The following CDC42SE2 variants were observed in gnomAD, a reference collection of about 807,000 sequenced individuals.
CDC42SE2 encodes the protein CDC42 small effector protein 2.
A neutral mutation model predicts 11.5 loss-of-function variants in CDC42SE2; 3 were observed. The ratio of observed to expected loss-of-function variants is 0.26; its 90% confidence interval spans 0.12 to 0.67. The LOEUF (loss-of-function observed/expected upper bound fraction) is 0.67. Among genes scored for constraint, CDC42SE2 ranks in the 30% least tolerant of loss-of-function variants. The probability of loss-of-function intolerance (pLI) is 0.80; values close to 1 mark genes in which losing one functional copy is unlikely to be tolerated. For synonymous variants in CDC42SE2, 33 were observed against 34.8 expected (o/e 0.95, Z 0.18); for missense variants, 82 against 106.8 (o/e 0.77, Z 1.02).
intron 1 of CDC42SE2, among the ~76,000 whole-genome samples, chr5:131,273,712 G>T (rs889138690): frequency 3.3e-5 from 5 of 150,976 alleles, no homozygotes; most frequent in African/African-American, 4.9e-5. Context: ...GGCGGAGCTT[G>T]CAGTGAGCCA....
Position 131,392,186 on chromosome 5 carries a change from A to AC in CDC42SE2, c.*1100dup, listed in dbSNP as rs1303931610. ...TTAAACATTTTTCTTTTCACTGCCG[A>AC]CCCCCTGCCTTACGATTTTATTGGA... On this transcript the variant is annotated 3_prime_UTR_variant, in exon 5 of 5. Coordinates refer to ENST00000505065, the MANE Select transcript of CDC42SE2 (RefSeq NM_001375635.1). The AC allele has an allele frequency of 6.6e-6, 1 of 151,966 alleles. No homozygotes were observed. Among genetic ancestry groups the AC allele is most frequent in the Non-Finnish European group, 1.5e-5 (1 of 67,878 alleles). The allele number at this position is 151,966 out of a possible 1,614,324, so 9.4% of individuals were successfully genotyped here. A position where few individuals can be genotyped will look rare whatever the true frequency, so the allele number is the denominator to read the frequency against.
intron 1 of CDC42SE2, among the ~76,000 whole-genome samples, chr5:131,312,447 T>A (rs1757942315): frequency 6.6e-6 from 1 of 152,214 alleles, no homozygotes; most frequent in African/African-American, 2.4e-5. Context: ...GCAGGCCTCC[T>A]TGAGCTGTGG....
rs145277629 is a variant in CDC42SE2, at chr5:131,288,047, C to T, written c.-455+23881C>T. ...TCGCATGAGCCCAGGAGTTTGAGAC[C>T]GGCCTGGGCAAAATAGTGAGACTCT... On this transcript the variant is annotated intron_variant, in intron 1 of 4. Transcript: ENST00000505065. Among the ~76,000 whole-genome samples the T allele has an allele frequency of 4.1e-4, 62 of 151,936 alleles. No homozygotes were observed. In the East Asian group the frequency reaches 9.3e-3, roughly 23 times the overall value.
At chr5:131,359,894 T>C (rs1749659440) in intron 3 of CDC42SE2, among the ~76,000 whole-genome samples, 1 of 151,984 alleles carries the variant, frequency 6.6e-6, no homozygotes, top group African/African-American at 2.4e-5. Flanking sequence ...GTGACAGCCA[T>C]ATTGCCATCA....
At chr5:131,321,696 G>T (rs181251230) in intron 2 of CDC42SE2, among the ~76,000 whole-genome samples, 1 of 152,118 alleles carries the variant, frequency 6.6e-6, no homozygotes, top group Admixed American at 6.5e-5. Context: ...TAGGATAATG[G>T]TGGGAAACTT....
chr5:131,217,041 C>T, the CDC42SE2 span, among the ~76,000 whole-genome samples: 4 of 152,140 alleles, frequency 2.6e-5, no homozygotes, highest in African/African-American at 9.7e-5. Context: ...TATTCTTGTA[C>T]CAGATTTTCA....
At chr5:131,253,930 G>A (rs1478950241) in intron 1 of CDC42SE2, among the ~76,000 whole-genome samples, 2 of 152,088 alleles carry the variant, frequency 1.3e-5, no homozygotes, top group African/African-American at 2.4e-5. Flanking sequence ...ATGCATGTTC[G>A]GATGTGTCCT....
intron 2 of CDC42SE2, among the ~76,000 whole-genome samples, chr5:131,338,739 C>T (rs1758637641): frequency 6.6e-6 from 1 of 152,166 alleles, no homozygotes; most frequent in African/African-American, 2.4e-5. Flanking sequence ...AGAATTCAAA[C>T]TTAGGCTGTG....
intron 2 of CDC42SE2, among the ~76,000 whole-genome samples, chr5:131,331,495 A>G (rs1758418816): frequency 1.3e-5 from 2 of 152,208 alleles, no homozygotes; most frequent in South Asian, 4.1e-4. Context: ...CAAAGTAAGG[A>G]TAATACCGCT....
At chr5:131,354,816 C>T (rs1379147659) in intron 2 of CDC42SE2, 1 of 151,932 alleles carries the variant, frequency 6.6e-6, no homozygotes, top group African/African-American at 2.4e-5. Context: ...GCTCCAAAGT[C>T]CAAAACGTAA....
chr5:131,361,198 A>G (rs2149771778), intron 3 of CDC42SE2, among the ~76,000 whole-genome samples: 1 of 152,064 alleles, frequency 6.6e-6, no homozygotes, highest in Admixed American at 6.5e-5. Context: ...AGGGTATATA[A>G]TAAAGTGAAT....
rs1757865927 is a variant in CDC42SE2 at position 131,309,938 on chromosome 5, C to T, written c.-454-6038C>T. On this transcript the variant is annotated intron_variant, in intron 1 of 4. Transcript: ENST00000505065. ...ATTTTTTGAAGGGTTTTTTGTGTCT[C>T]TATTTCCTTCAGTTCTGCTCTGATC... Among the ~76,000 whole-genome samples, 5 of 151,964 alleles carry T rather than the reference C, an allele frequency of 3.3e-5. No individual in the cohort carries two copies. The South Asian group carries it at 8.3e-4, about 25-fold the overall frequency.
chr5:131,308,627 G>A (rs1405146818), intron 1 of CDC42SE2, among the ~76,000 whole-genome samples: 68 of 150,858 alleles, frequency 4.5e-4, no homozygotes, highest in African/African-American at 1.6e-3. Flanking sequence ...TCCTTGAGCA[G>A]TGGTTTGTAG....
At chr5:131,311,521 A>G (rs1399507839) in intron 1 of CDC42SE2, among the ~76,000 whole-genome samples, 1 of 151,788 alleles carries the variant, frequency 6.6e-6, no homozygotes, top group Non-Finnish European at 1.5e-5. Flanking sequence ...TCTCCTGGAT[A>G]ATATCCTGCA....
chr5:131,309,480 T>A (rs1482257931), intron 1 of CDC42SE2, among the ~76,000 whole-genome samples: 34 of 152,064 alleles, frequency 2.2e-4, no homozygotes, highest in African/African-American at 8.2e-4. Context: ...TAGGGAGGAT[T>A]CCCTCTTTTT....
chr5:131,390,408 G>A (rs995842529), intron 4 of CDC42SE2, among the ~76,000 whole-genome samples: 1 of 152,038 alleles, frequency 6.6e-6, no homozygotes, highest in African/African-American at 2.4e-5. Flanking sequence ...TGATCGGCCG[G>A]GTGCGGTGGC....
intron 2 of CDC42SE2, among the ~76,000 whole-genome samples, chr5:131,316,546 T>C (rs1758042673): frequency 3.3e-5 from 5 of 152,236 alleles, no homozygotes; most frequent in Admixed American, 3.3e-4. Context: ...AGAAACAGTT[T>C]TGTCCAATGA....
intron 3 of CDC42SE2, among the ~76,000 whole-genome samples, chr5:131,367,850 T>A (rs887327548): frequency 6.6e-6 from 1 of 152,192 alleles, no homozygotes; most frequent in African/African-American, 2.4e-5. Context: ...AAAAGTGGAA[T>A]AATTTTGCCT....
At chr5:131,289,707 C>T (rs1757412266) in intron 1 of CDC42SE2, among the ~76,000 whole-genome samples, 5 of 151,954 alleles carry the variant, frequency 3.3e-5, no homozygotes. Context: ...CATAAGGCAT[C>T]ATTTCTTTCA....
Sources: allele counts gnomAD v4.1 joint callset (sites outside exome capture counted in the v4.1 genomes callset), GRCh38; gene constraint gnomAD v4.1.1; transcripts MANE v1.5; gene names NCBI Gene and HGNC (gene_info 2026-07-23, HGNC 2026-07-21).